The following ANKRD55 variants were observed in gnomAD, a reference collection of about 807,000 sequenced individuals.
ANKRD55 encodes ankyrin repeat domain 55.
In ANKRD55, 41 loss-of-function variants were observed where a neutral mutation model predicts 60.6. That is an observed-to-expected ratio of 0.68 (90% CI 0.53 to 0.88). ANKRD55 has a LOEUF of 0.88. Ranked by LOEUF, ANKRD55 falls within the 40% of genes least tolerant of loss-of-function variation. ANKRD55 has a pLI of 0.00. For missense variants in ANKRD55, 732 were observed against 767.6 expected, an observed-to-expected ratio of 0.95 and a Z score of 0.55; for synonymous variants, 264 against 290.3, an observed-to-expected ratio of 0.91 and a Z score of 0.92.
At chr5:56,201,013 C>T (rs1328627995) in intron 2 of ANKRD55, among the ~76,000 whole-genome samples, 1 of 152,176 alleles carries the variant, frequency 6.6e-6, no homozygotes, top group Non-Finnish European at 1.5e-5. Context: ...ACAAAGGCTA[C>T]AGAGTTTCTG....
rs142837528 is a variant in ANKRD55 at position 56,154,285 on chromosome 5, G to A, written c.483+5548C>T. On this transcript the variant is annotated intron_variant, in intron 6 of 11. Transcript: ENST00000341048. ...ACAATGAATTTAACTGTTACTCCCC[G>A]CTACCCCTCATACAATGGAGGCTAC... is the stretch of plus-strand genomic sequence containing the variant. Among the ~76,000 whole-genome samples, 390 of 141,988 alleles carry A rather than the reference G, an allele frequency of 2.7e-3. 1 individual carries two copies. Among genetic ancestry groups the A allele is most frequent in the African/African-American group, 9.7e-3 (377 of 38,988 alleles). 93.1% of individuals were successfully genotyped at this position (141,988 alleles called of 152,430 possible).
chr5:56,196,044 G>A (rs1759220400), intron 2 of ANKRD55, among the ~76,000 whole-genome samples: 1 of 152,172 alleles, frequency 6.6e-6, no homozygotes, highest in South Asian at 2.1e-4. Flanking sequence ...TTTGCTCATA[G>A]GAAATGAATG....
chr5:56,105,230 G>T (rs1367301291), intron 10 of ANKRD55, among the ~76,000 whole-genome samples: 1 of 152,116 alleles, frequency 6.6e-6, no homozygotes, highest in African/African-American at 2.4e-5. Flanking sequence ...GGAACTACAG[G>T]CGTGCGCCAC....
chr5:56,217,757 G>C (rs193176320), intron 2 of ANKRD55, among the ~76,000 whole-genome samples: 4 of 152,044 alleles, frequency 2.6e-5, no homozygotes, highest in Non-Finnish European at 4.4e-5. Context: ...TTAGCCGGGC[G>C]TGGTGGGGGG....
At chr5:56,144,222 T>C (rs12659165) in intron 6 of ANKRD55, among the ~76,000 whole-genome samples, 2,611 of 152,280 alleles carry the variant, frequency 0.017, 76 homozygotes, top group East Asian at 0.13. Flanking sequence ...CACAAAAACA[T>C]GTCAAACAAT....
intron 4 of ANKRD55, among the ~76,000 whole-genome samples, chr5:56,172,621 T>C (rs189257676): frequency 6.8e-4 from 104 of 152,306 alleles, no homozygotes; most frequent in African/African-American, 2.4e-3. Context: ...CCATTGAATA[T>C]ACTATCTGAA....
At chr5:56,228,775 A>C (rs1234542093) in intron 2 of ANKRD55, among the ~76,000 whole-genome samples, 1 of 152,106 alleles carries the variant, frequency 6.6e-6, no homozygotes, top group African/African-American at 2.4e-5. Flanking sequence ...CTGTGAGAGG[A>C]TAAATTTCTG....
intron 9 of ANKRD55, among the ~76,000 whole-genome samples, chr5:56,115,941 A>G (rs1039626350): frequency 2.6e-5 from 4 of 151,974 alleles, no homozygotes; most frequent in Admixed American, 2.0e-4. Context: ...TGCAAACTCC[A>G]TCGCCCAGGT....
At chr5:56,217,460 TGCAAGGCTATA>T in intron 2 of ANKRD55, among the ~76,000 whole-genome samples, 1 of 152,346 alleles carries the variant, frequency 6.6e-6, no homozygotes, top group East Asian at 1.9e-4. Context: ...ATATACATTT[TGCAAGGCTATA>T]GCCTCCATAG....
At chr5:56,192,002 T>C (rs1759105281) in intron 2 of ANKRD55, among the ~76,000 whole-genome samples, 2 of 152,170 alleles carry the variant, frequency 1.3e-5, no homozygotes, top group Admixed American at 6.5e-5. Flanking sequence ...GAATCTAAAA[T>C]GAGAGCAGGA....
At chr5:56,137,244 T>A (rs1469512695) in intron 7 of ANKRD55, 1 of 1,606,062 alleles carries the variant, frequency 6.2e-7, no homozygotes, top group African/African-American at 1.3e-5. Context: ...GAGTGCTGAA[T>A]TTTTGCTGCA....
At chr5:56,119,241 A>G (rs979628891) in intron 8 of ANKRD55, among the ~76,000 whole-genome samples, 1 of 152,244 alleles carries the variant, frequency 6.6e-6, no homozygotes, top group East Asian at 1.9e-4. Context: ...ACTACTCAGT[A>G]GTGAAAAAGA....
rs181649505 is a variant in ANKRD55 at position 56,223,886 on chromosome 5, T to C, written c.58+8970A>G. ...GACTTAGACTCCCACACAATAATAA[T>C]GGGAGACTTTAACACCCCACTGTCA... On this transcript the variant is annotated intron_variant, in intron 2 of 11. Coordinates refer to ENST00000341048, the MANE Select transcript of ANKRD55 (RefSeq NM_024669.3). Among the ~76,000 whole-genome samples, 142 of 152,266 alleles carry C rather than the reference T, an allele frequency of 9.3e-4. 4 individuals are homozygous for C. In the Middle Eastern group the frequency reaches 0.027, roughly 29 times the overall value.
At chr5:56,170,128 C>T (rs1580998455) in intron 5 of ANKRD55, among the ~76,000 whole-genome samples, 1 of 152,334 alleles carries the variant, frequency 6.6e-6, no homozygotes, top group African/African-American at 2.4e-5. Context: ...CTGCTGCTGA[C>T]TCCTTTGCCT....
chr5:56,179,462 C>T (rs1016462094), intron 3 of ANKRD55, among the ~76,000 whole-genome samples: 4 of 152,066 alleles, frequency 2.6e-5, no homozygotes, highest in African/African-American at 7.2e-5. Flanking sequence ...TAAAAAGGGC[C>T]TTCAACTGCT....
At chr5:56,207,483 C>T (rs531827459) in intron 2 of ANKRD55, among the ~76,000 whole-genome samples, 1 of 152,190 alleles carries the variant, frequency 6.6e-6, no homozygotes, top group African/African-American at 2.4e-5. Context: ...GTGATTTTGT[C>T]GTTATGAGAA....
intron 6 of ANKRD55, among the ~76,000 whole-genome samples, chr5:56,150,591 C>A (rs1758016907): frequency 6.6e-6 from 1 of 151,122 alleles, no homozygotes; most frequent in Middle Eastern, 3.3e-3. Context: ...CAGAGTGAGA[C>A]CCCGTCTCAA....
intron 7 of ANKRD55, among the ~76,000 whole-genome samples, chr5:56,136,643 G>T (rs140967684): frequency 6.6e-6 from 1 of 152,034 alleles, no homozygotes; most frequent in Non-Finnish European, 1.5e-5. Flanking sequence ...AAATTAGGCC[G>T]GGCAAGGCGG....
At chr5:56,173,203 T>A (rs914636157) in intron 4 of ANKRD55, among the ~76,000 whole-genome samples, 4 of 152,344 alleles carry the variant, frequency 2.6e-5, no homozygotes, top group African/African-American at 9.6e-5. Context: ...AATTGTTTTT[T>A]TTCTTGTTTT....
Sources: allele counts gnomAD v4.1 joint callset (sites outside exome capture counted in the v4.1 genomes callset), GRCh38; gene constraint gnomAD v4.1.1; transcripts MANE v1.5; gene names NCBI Gene and HGNC (gene_info 2026-07-23, HGNC 2026-07-21).